SNX1: variants seen among roughly 807,000 people sequenced by gnomAD.
SNX1 encodes sorting nexin-1.
In SNX1, 36 loss-of-function variants were observed where a neutral mutation model predicts 71.8. The observed-to-expected ratio is 0.50, with a 90% confidence interval of 0.38 to 0.66. The LOEUF (loss-of-function observed/expected upper bound fraction) is 0.66. SNX1 is among the 30% of genes least tolerant of loss of function. SNX1 has a pLI of 0.00. For synonymous variants in SNX1, 254 were observed against 240.7 expected (o/e 1.06, Z -0.51); for missense variants, 612 against 646.7 (o/e 0.95, Z 0.58).
chr15:64,127,701 C>T, intron 7 of SNX1, 30 bp from the exon 8 acceptor site: 4 of 1,574,636 alleles, frequency 2.5e-6, no homozygotes, highest in Non-Finnish European at 3.5e-6. Flanking sequence ...GCCAGCTCAA[C>T]TAACCAGATG....
intron 2 of SNX1, among the ~76,000 whole-genome samples, chr15:64,113,351 AT>A (rs1423947636): frequency 6.6e-6 from 1 of 152,070 alleles, no homozygotes; most frequent in Non-Finnish European, 1.5e-5. Flanking sequence ...CCCAGAAGAC[AT>A]TTGGAAATGG....
rs573541153 is a variant in SNX1 at position 64,135,757 on chromosome 15, C to CAAAA, written c.1366-557_1366-554dup. Among the ~76,000 whole-genome samples, 69 of 108,608 alleles carry CAAAA rather than the reference C, an allele frequency of 6.4e-4. 2 individuals are homozygous for CAAAA. The highest frequency in any genetic ancestry group is 2.6e-3 in the African/African-American group (62 of 24,300). The allele number at this position is 108,608 out of a possible 152,430, so 71.3% of individuals were successfully genotyped here. A position where few individuals can be genotyped will look rare whatever the true frequency, so the allele number is the denominator to read the frequency against. On this transcript the variant is annotated intron_variant, in intron 12 of 14. Transcript: ENST00000559844. Reference sequence around the variant, plus strand: ...CTGGCAACAGAGCAAGACTCTGTCTCAAAAAAAAAAAAAAAAAAATTAGAC... The same window carrying CAAAA: ...CTGGCAACAGAGCAAGACTCTGTCTCAAAAAAAAAAAAAAAAAAAAAAATTAGAC...
Position 64,108,106 on chromosome 15 carries a change from C to T in SNX1, c.160-4467C>T, listed in dbSNP as rs193062037. On this transcript the variant is annotated intron_variant, in intron 1 of 14. Transcript: ENST00000559844. The stretch of plus-strand genomic sequence containing the variant: ...TACTTGGGAGGCTGAGGCAGGAGAA[C>T]GGCATGAACCTGGGAGGCGGAGCTT... 5.6e-3 allele frequency among the ~76,000 whole-genome samples: 843 copies of T among 151,392 alleles called. 6 individuals carry two copies. The highest frequency in any genetic ancestry group is 9.0e-3 in the Non-Finnish European group (613 of 67,854).
chr15:64,123,506 A>T lies in SNX1; in HGVS notation c.470A>T (p.Asp157Val). 6.2e-7 allele frequency: 1 copy of T among 1,613,432 alleles called. No homozygotes were observed. Among genetic ancestry groups the T allele is most frequent in the South Asian group, 1.1e-5 (1 of 90,998 alleles). The change falls in exon 5 of 15, where the codon GAT becomes GTT. Residue 157 changes from aspartate (D) to valine (V), a missense_variant. Around this residue, in one of 2 missense-constraint regions of SNX1, gnomAD observed 316 missense variants for 284.9 expected, o/e 1.11. Coordinates refer to ENST00000559844, the MANE Select transcript of SNX1 (RefSeq NM_003099.5). ...CTGCTTTCTTGTTCTCTCACAGGGG[A>T]TGGTATGAATGCATATGTAGCCTAC... ...VGITDPEKIG[D>V]GMNAYVAYKV...
rs190594994 is a variant in SNX1 at position 64,096,000 on chromosome 15, G to A, written c.-14G>A. On this transcript the variant is annotated 5_prime_UTR_variant, in exon 1 of 15. Coordinates refer to ENST00000559844, the MANE Select transcript of SNX1 (RefSeq NM_003099.5). ...TAAAGTTGTTGTTGCGGCTTCCGCC[G>A]CGGGTGGAAGAAGATGGCGTCGGGT... is the stretch of plus-strand genomic sequence containing the variant. 43 of 1,594,196 alleles carry A rather than the reference G, an allele frequency of 2.7e-5. No individual in the cohort carries two copies. Among genetic ancestry groups the A allele is most frequent in the Non-Finnish European group, 2.3e-5 (27 of 1,174,280 alleles).
chr15:64,134,602 A>T lies in SNX1; in HGVS notation c.1222-62A>T. Reference sequence around the variant, plus strand: ...GCAGCTGCTGGGAGAGCCTGCCTCGAGGCAGAGCCAGCAGAGCTCTTGAAG... The same window carrying T: ...GCAGCTGCTGGGAGAGCCTGCCTCGTGGCAGAGCCAGCAGAGCTCTTGAAG... On this transcript the variant is annotated intron_variant, in intron 11 of 14. Coordinates refer to ENST00000559844, the MANE Select transcript of SNX1 (RefSeq NM_003099.5). The surrounding 1 kb of genome is among the most constrained non-coding windows in gnomAD (Gnocchi z 4.1). 1 of 1,551,858 alleles carries T rather than the reference A, an allele frequency of 6.4e-7. No homozygotes were observed.
At chr15:64,136,680 C>T (rs1476867977) in intron 13 of SNX1, among the ~76,000 whole-genome samples, 181 bp from the exon 14 acceptor site, 1 of 152,176 alleles carries the variant, frequency 6.6e-6, no homozygotes. Flanking sequence ...TTCCCATCTC[C>T]TGCCCTCCAA....
At position 64,129,882 on chromosome 15, in the gene SNX1, A is replaced by T. The variant is rs764706986; in HGVS notation, c.808-34A>T. On this transcript the variant is annotated intron_variant, in intron 8 of 14. Transcript: ENST00000559844. The surrounding 1 kb of genome is among the most constrained non-coding windows in gnomAD (Gnocchi z 4.4). Reference sequence around the variant, plus strand: ...TCTGAACCTAAAATAGGGGCAGCAGATAACTTGCCATCCCTGCCTTCTTGG... The same window carrying T: ...TCTGAACCTAAAATAGGGGCAGCAGTTAACTTGCCATCCCTGCCTTCTTGG... 6 of 1,477,758 alleles carry T rather than the reference A, an allele frequency of 4.1e-6. No individual in the cohort carries two copies. The South Asian group carries it at 6.8e-5, about 17-fold the overall frequency. 91.5% of individuals were successfully genotyped at this position (1,477,758 alleles called of 1,614,324 possible). A position where few individuals can be genotyped will look rare whatever the true frequency, so the allele number is the denominator to read the frequency against.
intron 1 of SNX1, among the ~76,000 whole-genome samples, chr15:64,104,148 C>T (rs993678488): frequency 3.3e-5 from 5 of 151,990 alleles, no homozygotes; most frequent in African/African-American, 9.7e-5. Flanking sequence ...TTTAGATTTC[C>T]CTGAAATACA....
intron 1 of SNX1, among the ~76,000 whole-genome samples, chr15:64,103,845 A>C (rs1246692634): frequency 1.3e-5 from 2 of 152,222 alleles, no homozygotes; most frequent in African/African-American, 2.4e-5. Flanking sequence ...TCTGAAAGTG[A>C]ATCTTTATAA....
At chr15:64,096,195 A>T (rs1186005327) in intron 1 of SNX1, 23 bp downstream of exon 1, 7 of 1,544,806 alleles carry the variant, frequency 4.5e-6, no homozygotes, top group Non-Finnish European at 6.1e-6. Flanking sequence ...CCCTCGGGGT[A>T]GCAGGCGGGA....
intron 1 of SNX1, among the ~76,000 whole-genome samples, chr15:64,096,622 T>C (rs144211849): frequency 1.1e-4 from 16 of 152,342 alleles, no homozygotes; most frequent in Non-Finnish European, 2.4e-4. Context: ...CAGTTCTTTC[T>C]TTAGCCCAGC....
At position 64,129,076 on chromosome 15, in the gene SNX1, G is replaced by T. The variant is rs2081281200; in HGVS notation, c.808-840G>T. Among the ~76,000 whole-genome samples, 1 of 152,034 alleles carries T rather than the reference G, an allele frequency of 6.6e-6. No individual in the cohort carries two copies. Among genetic ancestry groups the T allele is most frequent in the African/African-American group, 2.4e-5 (1 of 41,362 alleles). Reference sequence around the variant, plus strand: ...AGCCTGGCCAACATGGCAAAATCCTGTCTCTACTAAAAATACAAAAATTAG... The same window carrying T: ...AGCCTGGCCAACATGGCAAAATCCTTTCTCTACTAAAAATACAAAAATTAG... On this transcript the variant is annotated intron_variant, in intron 8 of 14. Coordinates refer to ENST00000559844, the MANE Select transcript of SNX1 (RefSeq NM_003099.5). This position sits in a 1 kb window ranked among gnomAD's most constrained non-coding sequence, Gnocchi z 4.4.
At chr15:64,112,290 T>G (rs1238247972) in intron 1 of SNX1, among the ~76,000 whole-genome samples, 4 of 152,230 alleles carry the variant, frequency 2.6e-5, no homozygotes, top group Non-Finnish European at 5.9e-5. Context: ...TTGGACATGT[T>G]CTTTTGAAAA....
At position 64,143,463 on chromosome 15, in the gene SNX1, G is replaced by A. The variant is rs749238444; in HGVS notation, c.*5845G>A. On this transcript the variant is annotated 3_prime_UTR_variant, in exon 15 of 15. Transcript: ENST00000559844. Reference sequence around the variant, plus strand: ...AACAGGTGTCAAATAGATAACTGTTGAATGATTGTTCCCCAGTTGCAGGCT... The same window carrying A: ...AACAGGTGTCAAATAGATAACTGTTAAATGATTGTTCCCCAGTTGCAGGCT... 1.3e-5 allele frequency: 2 copies of A among 152,192 alleles called. No individual in the cohort carries two copies. Among genetic ancestry groups the A allele is most frequent in the Admixed American group, 1.3e-4 (2 of 15,282 alleles). 9.4% of individuals were successfully genotyped at this position (152,192 alleles called of 1,614,324 possible).
chr15:64,118,738 T>C lies in SNX1; in HGVS notation c.400-50T>C, dbSNP rs374533821. 24 of 1,418,462 alleles carry C rather than the reference T, an allele frequency of 1.7e-5. No homozygotes were observed. The African/African-American group carries it at 2.8e-4, about 17-fold the overall frequency. The allele number at this position is 1,418,462 out of a possible 1,614,324, so 87.9% of individuals were successfully genotyped here. A position where few individuals can be genotyped will look rare whatever the true frequency, so the allele number is the denominator to read the frequency against. The stretch of plus-strand genomic sequence containing the variant: ...TAAGGTTATTACAGGGTAAAATTGA[T>C]AGCTTTTTTTTTCATATCAACTCTC... On this transcript the variant is annotated intron_variant, in intron 3 of 14. Coordinates refer to ENST00000559844, the MANE Select transcript of SNX1 (RefSeq NM_003099.5).
chr15:64,129,033 G>T lies in SNX1; in HGVS notation c.808-883G>T, dbSNP rs562714115. 6.6e-6 allele frequency among the ~76,000 whole-genome samples: 1 copy of T among 152,148 alleles called. No individual in the cohort carries two copies. Among genetic ancestry groups the T allele is most frequent in the East Asian group, 1.9e-4 (1 of 5,170 alleles). On this transcript the variant is annotated intron_variant, in intron 8 of 14. Transcript: ENST00000559844. This position sits in a 1 kb window ranked among gnomAD's most constrained non-coding sequence, Gnocchi z 4.4. ...AGGCTGAGGCAGGAGGATCACCTGA[G>T]GTCAGGAGTTCGAGACCAGCCTGGC...
chr15:64,113,072 A>C (rs921576604), intron 2 of SNX1, among the ~76,000 whole-genome samples: 2 of 152,256 alleles, frequency 1.3e-5, no homozygotes, highest in East Asian at 3.8e-4. Context: ...AAAAATGTGC[A>C]TACTGGTACA....
chr15:64,096,508 C>A (rs1357243586), intron 1 of SNX1, among the ~76,000 whole-genome samples: 3 of 152,230 alleles, frequency 2.0e-5, no homozygotes, highest in Non-Finnish European at 4.4e-5. Flanking sequence ...AAGGCAGATT[C>A]AGTAGGACGG....
Sources: gnomAD v4.1 joint callset for allele counts (sites outside exome capture counted in the v4.1 genomes callset) on GRCh38, gnomAD v4.1.1 for gene constraint, gnomAD v4.1.1 regional missense constraint, Gnocchi (gnomAD v3.1) non-coding constraint, MANE v1.5 for transcripts, NCBI Gene and HGNC (gene_info 2026-07-23, HGNC 2026-07-21) for gene names.